Variants in MYO1H observed in about 807,000 individuals in gnomAD.
MYO1H encodes the protein unconventional myosin-Ih.
In MYO1H, 118 loss-of-function variants were observed where a neutral mutation model predicts 149.3. The observed-to-expected ratio is 0.79, with a 90% CI of 0.68 to 0.92. MYO1H has a LOEUF of 0.92. MYO1H is among the 40% of genes least tolerant of loss of function. The pLI is 0.00. For missense variants in MYO1H, 1,212 were observed against 1,280.7 expected (o/e 0.95, Z 0.82); for synonymous variants, 447 against 465.2 (o/e 0.96, Z 0.50).
chr12:109,387,037 T>TTA (rs138496984), intron 1 of MYO1H, among the ~76,000 whole-genome samples: 2 of 141,214 alleles, frequency 1.4e-5, no homozygotes, highest in African/African-American at 5.4e-5. Context: ...TGTGTGTGTG[T>TTA]GTGTAGTGTA....
intron 19 of MYO1H, among the ~76,000 whole-genome samples, chr12:109,429,582 T>C (rs546637750): frequency 2.0e-5 from 3 of 152,178 alleles, no homozygotes; most frequent in Non-Finnish European, 4.4e-5. Flanking sequence ...GCAAACACTA[T>C]GCCATTTTTT....
intron 23 of MYO1H, 110 bp from the exon 24 acceptor site, chr12:109,439,521 C>A (rs1342388579): frequency 9.6e-6 from 11 of 1,149,106 alleles, no homozygotes; most frequent in African/African-American, 1.5e-5. Flanking sequence ...ATGTGGTCAT[C>A]TCCACAGCCT....
At chr12:109,314,258 C>G in the MYO1H span, among the ~76,000 whole-genome samples, 5 of 142,592 alleles carry the variant, frequency 3.5e-5, no homozygotes, top group African/African-American at 1.3e-4. Flanking sequence ...TCTGGGCTGT[C>G]TCTTGGCTGG....
intron 22 of MYO1H, among the ~76,000 whole-genome samples, chr12:109,437,667 A>G (rs1486934848): frequency 6.6e-6 from 1 of 152,216 alleles, no homozygotes; most frequent in East Asian, 1.9e-4. Flanking sequence ...AGCTATGAGT[A>G]TGCCACAACT....
upstream of MYO1H, among the ~76,000 whole-genome samples, chr12:109,346,747 G>A (rs566028480): frequency 6.6e-6 from 1 of 152,232 alleles, no homozygotes; most frequent in African/African-American, 2.4e-5. Context: ...GGGCAACAGA[G>A]CAAGGCTCCA....
chr12:109,438,646 G>A (rs1293434946), intron 23 of MYO1H, 26 bp downstream of exon 23: 5 of 1,549,510 alleles, frequency 3.2e-6, no homozygotes, highest in Non-Finnish European at 8.9e-7. Flanking sequence ...CAACAGAGAG[G>A]ACAGGTCACT....
chr12:109,375,785 C>A lies in MYO1H; in HGVS notation c.13-12898C>A, dbSNP rs1195206683. Among the ~76,000 whole-genome samples, 4 of 152,000 alleles carry A rather than the reference C, an allele frequency of 2.6e-5. No individual in the cohort carries two copies. In the East Asian group the frequency reaches 7.7e-4, roughly 29 times the overall value. On this transcript the variant is annotated intron_variant, in intron 1 of 31. Coordinates refer to ENST00000310903, the Ensembl canonical transcript of MYO1H. ...TTGAGCCTAGGAGTTTGAGACAAGC[C>A]TGGGCAATATGGCAAAACCCTTTCT...
At position 109,442,292 on chromosome 12, in the gene MYO1H, C is replaced by T. The variant is rs781310239; in HGVS notation, c.2688+20C>T. On this transcript the variant is annotated intron_variant, in intron 27 of 31. Transcript: ENST00000310903. ...ATCCAGGTAAGGCGATGTGTGTCCT[C>T]AGTCTCAAACAGGATTCCCTCATCG... 1.1e-5 allele frequency: 17 copies of T among 1,608,146 alleles called. No individual in the cohort carries two copies. Among genetic ancestry groups the T allele is most frequent in the Middle Eastern group, 1.6e-4 (1 of 6,066 alleles).
rs892174537 is a variant in MYO1H at position 109,388,932 on chromosome 12, C to T, written c.174+88C>T. On this transcript the variant is annotated intron_variant, in intron 2 of 31. Coordinates refer to ENST00000310903, the Ensembl canonical transcript of MYO1H. ...TTTGATGAGTGTGAATAATAGCACT[C>T]TATTAGGTTAGACATTAAAGGGAGA... 7 of 1,439,142 alleles carry T rather than the reference C, an allele frequency of 4.9e-6. No homozygotes were observed. The Admixed American group carries it at 1.1e-4, about 22-fold the overall frequency. The allele number at this position is 1,439,142 out of a possible 1,614,324, so 89.1% of individuals were successfully genotyped here.
At chr12:109,404,140 T>C (rs1411965953) in intron 7 of MYO1H, 60 bp downstream of exon 7, 2 of 1,324,566 alleles carry the variant, frequency 1.5e-6, no homozygotes, top group African/African-American at 2.9e-5. Flanking sequence ...CATTCCTAAT[T>C]TCTTGGTGTT....
exon 5 of MYO1H, chr12:109,397,751 C>G (rs200839067): frequency 6.2e-7 from 1 of 1,611,488 alleles, no homozygotes; most frequent in East Asian, 2.2e-5. Flanking sequence ...AATGCCAGAA[C>G]GCTCCGGAAT....
At chr12:109,386,188 C>T (rs892836343) in intron 1 of MYO1H, among the ~76,000 whole-genome samples, 22 of 152,146 alleles carry the variant, frequency 1.4e-4, no homozygotes, top group African/African-American at 4.6e-4. Context: ...TGCGTGTACC[C>T]GTTATTTCTC....
chr12:109,343,070 A>G (rs922219590), upstream of MYO1H, among the ~76,000 whole-genome samples: 2 of 152,038 alleles, frequency 1.3e-5, no homozygotes, highest in Non-Finnish European at 2.9e-5. Context: ...AATAATAATA[A>G]CATAAGCAAA....
chr12:109,420,061 C>T (rs919833727), intron 15 of MYO1H, among the ~76,000 whole-genome samples: 9 of 152,050 alleles, frequency 5.9e-5, no homozygotes, highest in Admixed American at 4.6e-4. Flanking sequence ...TTTTCTCAGT[C>T]GTGGGGAATT....
chr12:109,387,669 G>A (rs1869411676), intron 1 of MYO1H, among the ~76,000 whole-genome samples: 1 of 152,124 alleles, frequency 6.6e-6, no homozygotes, highest in Admixed American at 6.5e-5. Context: ...TATGTGGGGG[G>A]GACACACACT....
chr12:109,316,317 T>C, the MYO1H span, among the ~76,000 whole-genome samples: 2 of 152,310 alleles, frequency 1.3e-5, no homozygotes, highest in East Asian at 3.9e-4. Flanking sequence ...AAGAACTGCT[T>C]AGAGAACTTT....
intron 14 of MYO1H, among the ~76,000 whole-genome samples, chr12:109,414,075 G>A (rs1870793795): frequency 6.6e-6 from 1 of 152,286 alleles, no homozygotes. Context: ...TAATCTGGGT[G>A]CTGGTTGCAC....
chr12:109,414,055 C>T (rs1870792689), intron 14 of MYO1H, among the ~76,000 whole-genome samples: 1 of 152,124 alleles, frequency 6.6e-6, no homozygotes, highest in African/African-American at 2.4e-5. Context: ...GTAATGAATG[C>T]TCTGCTTCTT....
intron 13 of MYO1H, among the ~76,000 whole-genome samples, chr12:109,411,132 A>T (rs1243489423): frequency 1.3e-5 from 2 of 151,946 alleles, no homozygotes; most frequent in Admixed American, 1.3e-4. Context: ...ACAGAGGGAG[A>T]CTCCATCTCA....
Sources: allele counts gnomAD v4.1 joint callset (sites outside exome capture counted in the v4.1 genomes callset), GRCh38; gene constraint gnomAD v4.1.1; transcripts MANE v1.5; gene names NCBI Gene and HGNC (gene_info 2026-07-23, HGNC 2026-07-21).